Variants in PTPRM observed in about 807,000 individuals in gnomAD.
PTPRM encodes protein tyrosine phosphatase receptor type M, also known as receptor-type tyrosine-protein phosphatase mu.
Under a neutral mutation model 186.7 loss-of-function variants are expected in PTPRM, and 47 were observed. That is an observed-to-expected ratio of 0.25 (90% confidence interval 0.20 to 0.32). The LOEUF (loss-of-function observed/expected upper bound fraction) is 0.32, where lower values mean the gene tolerates loss of function less well. PTPRM is among the 10% of genes least tolerant of loss of function. The pLI is 1.00. For missense variants in PTPRM, 1,494 were observed against 1,865.0 expected, an observed-to-expected ratio of 0.80 and a Z score of 3.66; for synonymous variants, 668 against 674.9, an observed-to-expected ratio of 0.99 and a Z score of 0.16.
intron 14 of PTPRM, among the ~76,000 whole-genome samples, chr18:8,182,974 C>T (rs577414892): frequency 3.3e-5 from 5 of 152,196 alleles, no homozygotes; most frequent in South Asian, 2.1e-4. Flanking sequence ...TTGTTTTTCG[C>T]GCAGTGTGTC....
intron 22 of PTPRM, among the ~76,000 whole-genome samples, chr18:8,334,606 G>A (rs1316401679): frequency 1.3e-5 from 2 of 152,238 alleles, no homozygotes; most frequent in Non-Finnish European, 2.9e-5. Flanking sequence ...TGCCCAGGGA[G>A]CTGTTCTTGC....
chr18:8,169,404 C>T (rs1292114272), intron 14 of PTPRM, among the ~76,000 whole-genome samples: 3 of 151,076 alleles, frequency 2.0e-5, no homozygotes, highest in Non-Finnish European at 4.4e-5. Context: ...TTTGTGGCAG[C>T]AGTTGTGGGG....
At chr18:8,340,728 T>A (rs1301412740) in intron 22 of PTPRM, among the ~76,000 whole-genome samples, 3 of 152,164 alleles carry the variant, frequency 2.0e-5, no homozygotes, top group Non-Finnish European at 4.4e-5. Context: ...TACAACTCCA[T>A]AGGAGAGCAC....
chr18:7,980,874 G>T (rs1382631025), intron 7 of PTPRM, among the ~76,000 whole-genome samples: 1 of 152,016 alleles, frequency 6.6e-6, no homozygotes, highest in African/African-American at 2.4e-5. Context: ...CCCTCCACTG[G>T]AGCATGAGCT....
intron 7 of PTPRM, among the ~76,000 whole-genome samples, chr18:7,983,890 C>T (rs931112345): frequency 5.3e-5 from 8 of 152,114 alleles, no homozygotes; most frequent in South Asian, 2.1e-4. Flanking sequence ...ACCCCACTTC[C>T]ACTCAATATT....
rs188823586 is a variant in PTPRM, at chr18:7,656,031, T to C, written c.73+88140T>C. ...ACAGTATGGCAGTTCCTCAAAAAAC[T>C]AAAAAGAGAATGATCCAACATTGGA... On this transcript the variant is annotated intron_variant, in intron 1 of 32. Coordinates refer to ENST00000580170, the MANE Select transcript of PTPRM (RefSeq NM_001105244.2). 2.0e-5 allele frequency among the ~76,000 whole-genome samples: 3 copies of C among 152,208 alleles called. No homozygotes were observed. In the East Asian group the frequency reaches 5.8e-4, roughly 29 times the overall value.
At chr18:8,118,812 AT>A (rs1432592529) in intron 13 of PTPRM, among the ~76,000 whole-genome samples, 1,829 of 75,122 alleles carry the variant, frequency 0.024, 36 homozygotes, top group African/African-American at 0.087. Flanking sequence ...AAAAAAAAAA[AT>A]ATATATATAT....
chr18:7,860,820 C>T (rs1176074570), intron 2 of PTPRM, among the ~76,000 whole-genome samples: 2 of 152,148 alleles, frequency 1.3e-5, no homozygotes. Context: ...GGTAGAGGCC[C>T]ACTCCCTACT....
intron 14 of PTPRM, among the ~76,000 whole-genome samples, chr18:8,224,541 C>T (rs1250324183): frequency 2.0e-5 from 3 of 152,194 alleles, no homozygotes; most frequent in Non-Finnish European, 4.4e-5. Flanking sequence ...CTGGTTCTGA[C>T]TCAGCTTGTC....
At chr18:8,035,624 G>T (rs1331900057) in intron 7 of PTPRM, among the ~76,000 whole-genome samples, 6 of 151,688 alleles carry the variant, frequency 4.0e-5, no homozygotes. Flanking sequence ...ATCCGCAGAT[G>T]CAGAAATTGC....
In PTPRM at chr18:7,672,091, G is replaced by A. The variant is rs188088319; in HGVS notation, c.74-102058G>A. On this transcript the variant is annotated intron_variant, in intron 1 of 32. Coordinates refer to ENST00000580170, the MANE Select transcript of PTPRM (RefSeq NM_001105244.2). ...TTCCAAACATCTTATTTTTAGAAACGGGCTTCACAAGCTCTTTACAAACAT... is the reference window on the plus strand; with the variant it reads ...TTCCAAACATCTTATTTTTAGAAACAGGCTTCACAAGCTCTTTACAAACAT... 2.4e-3 allele frequency among the ~76,000 whole-genome samples: 365 copies of A among 152,228 alleles called. 2 individuals are homozygous for A. Among genetic ancestry groups the A allele is most frequent in the African/African-American group, 8.1e-3 (338 of 41,536 alleles).
chr18:7,875,576 G>T (rs558831002), intron 2 of PTPRM, among the ~76,000 whole-genome samples: 1 of 151,972 alleles, frequency 6.6e-6, no homozygotes, highest in Non-Finnish European at 1.5e-5. Context: ...TGCCTGCCTC[G>T]ACTTCCCAAA....
chr18:7,943,525 T>C (rs998470830), intron 5 of PTPRM, among the ~76,000 whole-genome samples: 10 of 152,334 alleles, frequency 6.6e-5, no homozygotes, highest in African/African-American at 2.2e-4. Context: ...GATCACCACA[T>C]TGGCATCCTA....
intron 19 of PTPRM, among the ~76,000 whole-genome samples, chr18:8,284,459 A>G (rs1285402437): frequency 2.0e-5 from 3 of 152,184 alleles, no homozygotes; most frequent in Non-Finnish European, 4.4e-5. Flanking sequence ...CTTTCAGCAG[A>G]CTGTGATTCT....
At chr18:7,959,098 T>C (rs889232885) in intron 7 of PTPRM, among the ~76,000 whole-genome samples, 1 of 152,142 alleles carries the variant, frequency 6.6e-6, no homozygotes, top group Admixed American at 6.5e-5. Flanking sequence ...ATAATATGTG[T>C]TTCATTGTTT....
chr18:8,068,641 T>C (rs1409530434), intron 7 of PTPRM, among the ~76,000 whole-genome samples: 3 of 152,208 alleles, frequency 2.0e-5, no homozygotes, highest in Non-Finnish European at 4.4e-5. Flanking sequence ...ATTGATTGTG[T>C]GGAATTCTAT....
intron 7 of PTPRM, among the ~76,000 whole-genome samples, chr18:7,959,544 T>G (rs1385106947): frequency 6.6e-6 from 1 of 152,218 alleles, no homozygotes; most frequent in African/African-American, 2.4e-5. Context: ...ACAGTCTCAT[T>G]ACCTGGTTGG....
chr18:8,173,969 A>C (rs2093444287), intron 14 of PTPRM, among the ~76,000 whole-genome samples: 1 of 151,896 alleles, frequency 6.6e-6, no homozygotes, highest in African/African-American at 2.4e-5. Flanking sequence ...CTGGAAGCTG[A>C]GGCAGGAGAA....
At chr18:8,232,687 C>CA (rs2094301523) in intron 14 of PTPRM, among the ~76,000 whole-genome samples, 1 of 152,138 alleles carries the variant, frequency 6.6e-6, no homozygotes, top group Admixed American at 6.5e-5. Flanking sequence ...ACCATGTTGG[C>CA]AAGGCTGGTC....
Sources: allele counts gnomAD v4.1 joint callset (sites outside exome capture counted in the v4.1 genomes callset), GRCh38; gene constraint gnomAD v4.1.1; transcripts MANE v1.5; gene names NCBI Gene and HGNC (gene_info 2026-07-23, HGNC 2026-07-21).